Variants in BTRC observed in about 807,000 individuals in gnomAD.
BTRC encodes beta-transducin repeat containing E3 ubiquitin protein ligase.
A neutral mutation model predicts 85.5 loss-of-function variants in BTRC; 42 were observed. The ratio of observed to expected loss-of-function variants is 0.49; its 90% CI spans 0.38 to 0.64. The LOEUF (loss-of-function observed/expected upper bound fraction) is 0.64. Among genes scored for constraint, BTRC ranks in the 30% least tolerant of loss-of-function variants. The pLI is 0.00. For missense variants in BTRC, 594 were observed against 743.5 expected (o/e 0.80, Z 2.34); for synonymous variants, 255 against 263.3 (o/e 0.97, Z 0.30).
At chr10:101,486,401 G>T (rs997463453) in intron 4 of BTRC, among the ~76,000 whole-genome samples, 1 of 151,352 alleles carries the variant, frequency 6.6e-6, no homozygotes, top group African/African-American at 2.4e-5. Flanking sequence ...CAGTCTTTTA[G>T]TGCAGGAATT....
chr10:101,465,607 A>C (rs1231655682), intron 3 of BTRC, among the ~76,000 whole-genome samples: 1 of 152,216 alleles, frequency 6.6e-6, no homozygotes, highest in Non-Finnish European at 1.5e-5. Flanking sequence ...AAATGATACG[A>C]ATTTTATGCC....
intron 2 of BTRC, among the ~76,000 whole-genome samples, chr10:101,442,935 A>T (rs1023976231): frequency 2.4e-5 from 3 of 127,314 alleles, no homozygotes; most frequent in Admixed American, 9.6e-5. Context: ...TCTGTCACCC[A>T]GGGTGGTGCC....
At chr10:101,393,049 G>T (rs886560671) in intron 1 of BTRC, among the ~76,000 whole-genome samples, 1 of 152,008 alleles carries the variant, frequency 6.6e-6, no homozygotes, top group African/African-American at 2.4e-5. Flanking sequence ...TCTGATTGTG[G>T]ATCTTAAGAC....
chr10:101,382,713 C>T (rs1044523301), intron 1 of BTRC, among the ~76,000 whole-genome samples: 2 of 152,138 alleles, frequency 1.3e-5, no homozygotes, highest in Non-Finnish European at 2.9e-5. Context: ...CATTGTTTCA[C>T]GCAGTAGTTT....
At chr10:101,402,086 A>G (rs908992615) in intron 1 of BTRC, among the ~76,000 whole-genome samples, 2 of 152,174 alleles carry the variant, frequency 1.3e-5, no homozygotes, top group Admixed American at 6.6e-5. Context: ...GCTTTGGGTC[A>G]TTCTAGTCTC....
intron 4 of BTRC, among the ~76,000 whole-genome samples, chr10:101,521,205 T>A (rs2062099050): frequency 6.6e-6 from 1 of 152,150 alleles, no homozygotes; most frequent in Non-Finnish European, 1.5e-5. Flanking sequence ...GCCCAGGAGC[T>A]GGAGGCTGCA....
At position 101,379,913 on chromosome 10, in the gene BTRC, A is replaced by G. The variant is rs1160054700; in HGVS notation, c.48+25685A>G. 2.6e-5 allele frequency among the ~76,000 whole-genome samples: 4 copies of G among 152,208 alleles called. 1 individual carries two copies. The East Asian group carries it at 5.8e-4, about 22-fold the overall frequency. Reference sequence around the variant, plus strand: ...ATAAAAATACAATAAAGCCCTTTTTATAAGAGTTCATATTTTTTGATCCTT... The same window carrying G: ...ATAAAAATACAATAAAGCCCTTTTTGTAAGAGTTCATATTTTTTGATCCTT... On this transcript the variant is annotated intron_variant, in intron 1 of 14. Coordinates refer to ENST00000370187, the MANE Select transcript of BTRC (RefSeq NM_033637.4).
intron 1 of BTRC, among the ~76,000 whole-genome samples, chr10:101,392,154 A>G (rs915668147): frequency 3.9e-5 from 6 of 151,950 alleles, no homozygotes; most frequent in Non-Finnish European, 7.4e-5. Flanking sequence ...TAATTTTTGT[A>G]TTTTTGATAG....
chr10:101,550,104 G>A (rs2062626525), intron 13 of BTRC, among the ~76,000 whole-genome samples: 2 of 152,138 alleles, frequency 1.3e-5, no homozygotes, highest in Non-Finnish European at 2.9e-5. Context: ...CAGGGAGGTA[G>A]TAAGGAATGC....
chr10:101,376,406 T>TAGTAA (rs1325480770), intron 1 of BTRC, among the ~76,000 whole-genome samples: 2 of 152,322 alleles, frequency 1.3e-5, no homozygotes, highest in African/African-American at 2.4e-5. Flanking sequence ...AACTAGTTGG[T>TAGTAA]AGTAAGTTGG....
intron 1 of BTRC, among the ~76,000 whole-genome samples, chr10:101,371,916 A>G (rs2134545177): frequency 6.6e-6 from 1 of 152,310 alleles, no homozygotes; most frequent in East Asian, 1.9e-4. Context: ...CATGAGGCTG[A>G]AAACCCAATC....
chr10:101,382,783 A>T (rs1942968568), intron 1 of BTRC, among the ~76,000 whole-genome samples: 1 of 152,130 alleles, frequency 6.6e-6, no homozygotes, highest in African/African-American at 2.4e-5. Context: ...ATTTTTAGGT[A>T]GTTCTAAATA....
intron 2 of BTRC, among the ~76,000 whole-genome samples, chr10:101,459,385 G>A (rs758112303): frequency 4.6e-5 from 7 of 152,060 alleles, no homozygotes; most frequent in Non-Finnish European, 8.8e-5. Flanking sequence ...CTCATTCACT[G>A]GCATTCTGCT....
At chr10:101,370,794 G>A (rs1361362874) in intron 1 of BTRC, among the ~76,000 whole-genome samples, 1 of 151,168 alleles carries the variant, frequency 6.6e-6, no homozygotes, top group Non-Finnish European at 1.5e-5. Context: ...CTGGTCTCAA[G>A]CTCCTGGGCT....
intron 1 of BTRC, among the ~76,000 whole-genome samples, chr10:101,360,851 C>T (rs534580563): frequency 5.3e-5 from 8 of 152,150 alleles, no homozygotes; most frequent in Admixed American, 2.6e-4. Context: ...TTTATTTGGG[C>T]GCAGCTCTGC....
At chr10:101,396,714 CTT>C (rs891107161) in intron 1 of BTRC, among the ~76,000 whole-genome samples, 4 of 151,188 alleles carry the variant, frequency 2.6e-5, no homozygotes, top group African/African-American at 9.7e-5. Context: ...GGTAGACAGT[CTT>C]TAGATTTCAG....
At chr10:101,409,724 G>A (rs1419164333) in intron 1 of BTRC, among the ~76,000 whole-genome samples, 2 of 152,156 alleles carry the variant, frequency 1.3e-5, no homozygotes, top group African/African-American at 4.8e-5. Flanking sequence ...TCATCTGTGG[G>A]ACCACCATGG....
chr10:101,497,430 G>A (rs1008051619), intron 4 of BTRC, among the ~76,000 whole-genome samples: 2 of 152,178 alleles, frequency 1.3e-5, no homozygotes, highest in East Asian at 1.9e-4. Context: ...GCTGGGCATG[G>A]TAGTTTATGC....
At chr10:101,355,833 G>A (rs1202912296) in intron 1 of BTRC, among the ~76,000 whole-genome samples, 1 of 152,118 alleles carries the variant, frequency 6.6e-6, no homozygotes, top group Non-Finnish European at 1.5e-5. Context: ...TTAAAATTCA[G>A]GGGTATCATT....
Sources: allele counts gnomAD v4.1 joint callset (sites outside exome capture counted in the v4.1 genomes callset), GRCh38; gene constraint gnomAD v4.1.1; transcripts MANE v1.5; gene names NCBI Gene and HGNC (gene_info 2026-07-23, HGNC 2026-07-21).